NEO1: variants seen among roughly 807,000 people sequenced by gnomAD.
The protein encoded by NEO1 is neogenin.
A neutral mutation model predicts 159.7 loss-of-function variants in NEO1; 63 were observed. The observed-to-expected ratio is 0.39, with a 90% CI of 0.32 to 0.49. The LOEUF (loss-of-function observed/expected upper bound fraction) is 0.49. NEO1 is among the 20% of genes least tolerant of loss of function. The pLI, the probability that NEO1 is intolerant of heterozygous loss-of-function variation, is 0.85. For missense variants in NEO1, 1,615 were observed against 1,831.0 expected (o/e 0.88, Z 2.15); for synonymous variants, 633 against 662.0 (o/e 0.96, Z 0.67).
intron 5 of NEO1, among the ~76,000 whole-genome samples, chr15:73,160,116 G>T (rs1269623260): frequency 2.0e-5 from 3 of 152,120 alleles, no homozygotes; most frequent in Non-Finnish European, 4.4e-5. Flanking sequence ...CCTGTTCATT[G>T]TCTTTTTACT....
intron 7 of NEO1, among the ~76,000 whole-genome samples, chr15:73,219,186 C>G (rs1481865192): frequency 1.3e-5 from 2 of 152,150 alleles, no homozygotes; most frequent in African/African-American, 2.4e-5. Flanking sequence ...ATGTACCCAG[C>G]AGTCATTCAA....
intron 8 of NEO1, 28 bp from the exon 9 acceptor site, chr15:73,244,316 T>C (rs770590755): frequency 1.3e-6 from 2 of 1,598,454 alleles, no homozygotes; most frequent in South Asian, 1.1e-5. Flanking sequence ...TAATTAATGC[T>C]ATCTCTCTCC....
intron 1 of NEO1, among the ~76,000 whole-genome samples, chr15:73,114,018 A>G (rs2071153241): frequency 6.6e-6 from 1 of 152,112 alleles, no homozygotes; most frequent in Non-Finnish European, 1.5e-5. Context: ...CTTTAACTTA[A>G]AGTTATTACA....
intron 5 of NEO1, among the ~76,000 whole-genome samples, chr15:73,158,182 T>C (rs1443427672): frequency 1.4e-5 from 2 of 141,254 alleles, no homozygotes; most frequent in African/African-American, 5.1e-5. Context: ...CCTGCTGCAC[T>C]CCAGCCTGGG....
chr15:73,200,567 A>G (rs530700268), intron 7 of NEO1, among the ~76,000 whole-genome samples: 69 of 151,658 alleles, frequency 4.5e-4, no homozygotes, highest in African/African-American at 1.6e-3. Flanking sequence ...GAAATGGGAA[A>G]GGGAGTCTCT....
intron 6 of NEO1, among the ~76,000 whole-genome samples, chr15:73,177,123 A>T (rs2035323188): frequency 6.6e-6 from 1 of 152,222 alleles, no homozygotes; most frequent in Admixed American, 6.5e-5. Flanking sequence ...GCATTTAAAA[A>T]GTGTCAAGTG....
intron 26 of NEO1, among the ~76,000 whole-genome samples, chr15:73,297,670 T>A (rs2042429600): frequency 6.6e-6 from 1 of 152,110 alleles, no homozygotes; most frequent in South Asian, 2.1e-4. Context: ...ATTTTGAGAT[T>A]GTTATCATGT....
intron 8 of NEO1, 66 bp from the exon 9 acceptor site, chr15:73,244,278 A>G: frequency 6.6e-7 from 1 of 1,513,822 alleles, no homozygotes; most frequent in Non-Finnish European, 8.9e-7. Flanking sequence ...GGAGTGGAAA[A>G]TGAAACTGTA....
intron 5 of NEO1, among the ~76,000 whole-genome samples, chr15:73,147,743 T>C (rs1022159505): frequency 3.3e-5 from 5 of 152,130 alleles, no homozygotes; most frequent in Non-Finnish European, 7.3e-5. Context: ...GGGTCTCTTA[T>C]TTATTAATTT....
intron 1 of NEO1, among the ~76,000 whole-genome samples, chr15:73,066,614 A>G (rs2068235548): frequency 6.6e-6 from 1 of 152,148 alleles, no homozygotes; most frequent in African/African-American, 2.4e-5. Context: ...CTCCTACCAC[A>G]TTACATAGGG....
At chr15:73,207,442 C>G (rs2037302845) in intron 7 of NEO1, among the ~76,000 whole-genome samples, 1 of 152,198 alleles carries the variant, frequency 6.6e-6, no homozygotes, top group African/African-American at 2.4e-5. Flanking sequence ...AGTTGATTTG[C>G]TAATAAGATG....
At chr15:73,213,732 A>G (rs2150707359) in intron 7 of NEO1, among the ~76,000 whole-genome samples, 1 of 152,334 alleles carries the variant, frequency 6.6e-6, no homozygotes, top group South Asian at 2.1e-4. Context: ...ATAAACGTGC[A>G]CATGAAAGTA....
At chr15:73,148,728 A>G (rs1302225870) in intron 5 of NEO1, among the ~76,000 whole-genome samples, 1 of 152,214 alleles carries the variant, frequency 6.6e-6, no homozygotes, top group East Asian at 1.9e-4. Context: ...ACTGACAAAA[A>G]GCTAAATGAA....
In NEO1 at chr15:73,303,013, C is replaced by T. The variant is rs944251631; in HGVS notation, c.*317C>T. 14 of 288,312 alleles carry T rather than the reference C, an allele frequency of 4.9e-5. No individual in the cohort carries two copies. Among genetic ancestry groups the T allele is most frequent in the Admixed American group, 2.5e-4 (6 of 23,562 alleles). The allele number at this position is 288,312 out of a possible 1,614,324, so 17.9% of individuals were successfully genotyped here. A position where few individuals can be genotyped will look rare whatever the true frequency, so the allele number is the denominator to read the frequency against. ...CCTGCATTTCACTTTGTGGTCAGGCCGTGTCTTTGTGCTGTGACTGCATCA... is the reference window on the plus strand; with the variant it reads ...CCTGCATTTCACTTTGTGGTCAGGCTGTGTCTTTGTGCTGTGACTGCATCA... On this transcript the variant is annotated 3_prime_UTR_variant, in exon 29 of 29. Transcript: ENST00000261908.
chr15:73,244,255 T>C lies in NEO1; in HGVS notation c.1452-89T>C. The C allele has an allele frequency of 6.3e-6, 9 of 1,422,844 alleles. No individual in the cohort carries two copies. The South Asian group carries it at 1.3e-4, about 20-fold the overall frequency. The allele number at this position is 1,422,844 out of a possible 1,614,324, so 88.1% of individuals were successfully genotyped here. ...TGAGAGCTAATTTGACTTACACTGA[T>C]AGATTTTTATGTGGAGTGGAAAATG... On this transcript the variant is annotated intron_variant, in intron 8 of 28. Transcript: ENST00000261908.
At chr15:73,075,747 C>A (rs1040115108) in intron 1 of NEO1, among the ~76,000 whole-genome samples, 6 of 152,066 alleles carry the variant, frequency 3.9e-5, no homozygotes, top group Admixed American at 2.0e-4. Flanking sequence ...ATAGTGCTGT[C>A]CTATTGTAAA....
chr15:73,112,762 A>G (rs1450817514), intron 1 of NEO1, among the ~76,000 whole-genome samples: 1 of 152,172 alleles, frequency 6.6e-6, no homozygotes, highest in Non-Finnish European at 1.5e-5. Flanking sequence ...TTTCCTCTCT[A>G]AAATGGGGCT....
intron 1 of NEO1, among the ~76,000 whole-genome samples, chr15:73,054,337 A>C (rs1217296074): frequency 6.6e-6 from 1 of 152,208 alleles, no homozygotes; most frequent in Non-Finnish European, 1.5e-5. Flanking sequence ...AGGATAATAA[A>C]AATAATGCAA....
At chr15:73,258,935 T>A in intron 14 of NEO1, 59 bp downstream of exon 14, 1 of 1,440,160 alleles carries the variant, frequency 6.9e-7, no homozygotes, top group Non-Finnish European at 9.8e-7. Context: ...GTCAAATGAG[T>A]CAAACTGGAA....
Sources: gnomAD v4.1 joint callset for allele counts (sites outside exome capture counted in the v4.1 genomes callset) on GRCh38, gnomAD v4.1.1 for gene constraint, MANE v1.5 for transcripts, NCBI Gene and HGNC (gene_info 2026-07-23, HGNC 2026-07-21) for gene names.